Variants in PLAUR observed in about 807,000 individuals in gnomAD.
The protein encoded by PLAUR is urokinase plasminogen activator surface receptor.
PLAUR carries 22 observed loss-of-function variants against 33.4 expected under a neutral mutation model. The ratio of observed to expected loss-of-function variants is 0.66; its 90% CI spans 0.47 to 0.94. The LOEUF (loss-of-function observed/expected upper bound fraction) is 0.94. PLAUR is among the 40% of genes least tolerant of loss of function. The pLI is 0.00. For missense variants in PLAUR, 408 were observed against 434.7 expected (o/e 0.94, Z 0.55); for synonymous variants, 148 against 167.3 (o/e 0.88, Z 0.89).
At position 43,649,021 on chromosome 19, in the gene PLAUR, A is replaced by T. The variant is rs767183874; in HGVS notation, c.877T>A (p.Cys293Ser). 6.2e-7 allele frequency: 1 copy of T among 1,614,220 alleles called. No homozygotes were observed. The highest frequency in any genetic ancestry group is 2.2e-5 in the East Asian group (1 of 44,890). Residue 293 changes from cysteine (C) to serine (S), a missense_variant, in exon 7 of 7, where the codon TGT becomes AGT. By Grantham distance (112) the Cys-to-Ser change is moderately radical (BLOSUM62 -1). Coordinates refer to ENST00000340093, the MANE Select transcript of PLAUR (RefSeq NM_002659.4). The stretch of plus-strand genomic sequence containing the variant: ...TGGACATCCAGGTCTGGGTGGTTAC[A>T]GCCACTTTTAGTACAGCAGGAGACA... ...IDVSCCTKSG[C>S]NHPDLDVQYR...
At chr19:43,653,482 T>C (rs1974079460) in intron 5 of PLAUR, among the ~76,000 whole-genome samples, 1 of 152,174 alleles carries the variant, frequency 6.6e-6, no homozygotes, top group Admixed American at 6.5e-5. Flanking sequence ...TGAGACCAGA[T>C]GGGCTTTGGT....
At chr19:43,670,010 C>A in intron 1 of PLAUR, 56 bp downstream of exon 1, 1 of 1,552,790 alleles carries the variant, frequency 6.4e-7, no homozygotes, top group Admixed American at 1.7e-5. Context: ...TGACAACCCC[C>A]AACCCCCTCA....
At chr19:43,652,437 GAC>G in intron 5 of PLAUR, 66 bp from the exon 6 acceptor site, 1 of 1,490,906 alleles carries the variant, frequency 6.7e-7, no homozygotes, top group Non-Finnish European at 9.3e-7. Flanking sequence ...TTCCTTGAAT[GAC>G]CTCCCCAGGA....
At chr19:43,657,616 C>T (rs1029200084) in intron 3 of PLAUR, among the ~76,000 whole-genome samples, 2 of 152,158 alleles carry the variant, frequency 1.3e-5, no homozygotes, top group African/African-American at 4.8e-5. Flanking sequence ...CACCAGGCTC[C>T]CACACACCCC....
At chr19:43,656,419 A>C (rs1974211197) in intron 4 of PLAUR, 60 bp downstream of exon 4, 10 of 1,436,084 alleles carry the variant, frequency 7.0e-6, no homozygotes, top group Non-Finnish European at 6.5e-6. Flanking sequence ...TTGTTTGTTA[A>C]GTGCAGTCTT....
intron 1 of PLAUR, among the ~76,000 whole-genome samples, chr19:43,669,145 G>A (rs764038707): frequency 6.6e-6 from 1 of 152,164 alleles, no homozygotes; most frequent in Admixed American, 6.5e-5. Context: ...GTTCCTTCTC[G>A]AATTCCTCGA....
At chr19:43,662,206 T>C (rs1568561307) in intron 3 of PLAUR, among the ~76,000 whole-genome samples, 1 of 151,970 alleles carries the variant, frequency 6.6e-6, no homozygotes, top group Non-Finnish European at 1.5e-5. Flanking sequence ...TTGTTAAAAA[T>C]ATAAATGGGG....
chr19:43,646,619 C>T (rs1973828688), downstream of PLAUR: 5 of 701,454 alleles, frequency 7.1e-6, no homozygotes, highest in South Asian at 4.5e-5. Flanking sequence ...GCAAAACTTC[C>T]ACCACATTCT....
intron 1 of PLAUR, chr19:43,668,447 GA>G (rs1159626621): frequency 1.7e-5 from 4 of 231,234 alleles, no homozygotes; most frequent in Non-Finnish European, 2.6e-5. Flanking sequence ...GCTCCTCCTC[GA>G]GGCTTTAGTC....
Position 43,665,430 on chromosome 19 carries a change from T to A in PLAUR, c.196A>T (p.Ser66Cys), listed in dbSNP as rs779740725. The A allele has an allele frequency of 6.2e-7, 1 of 1,613,160 alleles. No individual in the cohort carries two copies. The highest frequency in any genetic ancestry group is 8.5e-7 in the Non-Finnish European group (1 of 1,179,824). Residue 66 changes from serine (S) to cysteine (C), a missense_variant, in exon 3 of 7, where the codon AGC (serine) becomes TGC (cysteine). By Grantham distance (112) the Ser-to-Cys change is moderately radical. Transcript: ENST00000340093. Reference sequence around the variant, plus strand: ...TTGGTCTTCTCTGAGTGGGTACAGCTTTTCTCCACCAGCTCCAGCTCTTCT... The same window carrying A: ...TTGGTCTTCTCTGAGTGGGTACAGCATTTCTCCACCAGCTCCAGCTCTTCT... ...EGEELELVEK[S>C]CTHSEKTNRT...
chr19:43,666,779 G>T (rs1229959500), intron 2 of PLAUR, among the ~76,000 whole-genome samples: 1 of 151,924 alleles, frequency 6.6e-6, no homozygotes, highest in Admixed American at 6.6e-5. Context: ...ATGTTGGCCA[G>T]GCTGGTCCTG....
At chr19:43,659,831 C>A (rs192929998) in intron 3 of PLAUR, among the ~76,000 whole-genome samples, 3 of 152,292 alleles carry the variant, frequency 2.0e-5, no homozygotes, top group Admixed American at 2.0e-4. Flanking sequence ...TGTTTCTGAC[C>A]TCTATCAAGC....
intron 6 of PLAUR, chr19:43,651,976 C>T: frequency 8.2e-7 from 1 of 1,216,688 alleles, no homozygotes; most frequent in South Asian, 2.1e-5. Context: ...CCTCAGCCTC[C>T]CAAAGTGCTG....
chr19:43,659,109 T>C (rs2146243695), intron 3 of PLAUR, among the ~76,000 whole-genome samples: 1 of 152,016 alleles, frequency 6.6e-6, no homozygotes, highest in Middle Eastern at 3.4e-3. Flanking sequence ...GGGTCTCTGG[T>C]GTGAACTCTT....
chr19:43,653,670 A>T lies in PLAUR; in HGVS notation c.608-1299T>A, dbSNP rs749100432. On this transcript the variant is annotated intron_variant, in intron 5 of 6. Coordinates refer to ENST00000340093, the MANE Select transcript of PLAUR (RefSeq NM_002659.4). The stretch of plus-strand genomic sequence containing the variant: ...CGAGACTCCATCTAAAAAAAGAAAG[A>T]AAGGAAGAAAGAAAGAAACTAAATG... 8.7e-5 allele frequency among the ~76,000 whole-genome samples: 13 copies of T among 149,716 alleles called. No individual in the cohort carries two copies. The East Asian group carries it at 2.6e-3, about 30-fold the overall frequency.
intron 1 of PLAUR, among the ~76,000 whole-genome samples, chr19:43,669,094 C>A (rs1415072647): frequency 2.0e-5 from 3 of 150,708 alleles, no homozygotes; most frequent in African/African-American, 7.2e-5. Context: ...CCGGGTTATT[C>A]ATCGCGGCCC....
intron 6 of PLAUR, 139 bp downstream of exon 6, chr19:43,652,086 A>G (rs762089408): frequency 8.1e-6 from 12 of 1,479,578 alleles, no homozygotes; most frequent in Non-Finnish European, 9.9e-6. Context: ...TTACAATAAT[A>G]TTCACCCACC....
At chr19:43,657,679 C>T (rs1974270549) in intron 3 of PLAUR, among the ~76,000 whole-genome samples, 1 of 152,232 alleles carries the variant, frequency 6.6e-6, no homozygotes, top group African/African-American at 2.4e-5. Flanking sequence ...AGGTATGTCT[C>T]CTCTACTGGA....
In PLAUR at chr19:43,648,825, G is replaced by A. The variant is rs1973871841; in HGVS notation, c.*65C>T. 3 of 1,525,210 alleles carry A rather than the reference G, an allele frequency of 2.0e-6. No individual in the cohort carries two copies. The highest frequency in any genetic ancestry group is 3.5e-5 in the Admixed American group (2 of 56,968). The allele number at this position is 1,525,210 out of a possible 1,614,324, so 94.5% of individuals were successfully genotyped here. A position where few individuals can be genotyped will look rare whatever the true frequency, so the allele number is the denominator to read the frequency against. On this transcript the variant is annotated 3_prime_UTR_variant, in exon 7 of 7. Transcript: ENST00000340093. ...GGTCACACAGCAAGTCTGTAGGGCT[G>A]GGAGCCGAGGGAAGGGCAAAGGGGT...
Sources: allele counts gnomAD v4.1 joint callset (sites outside exome capture counted in the v4.1 genomes callset), GRCh38; gene constraint gnomAD v4.1.1; transcripts MANE v1.5; gene names NCBI Gene and HGNC (gene_info 2026-07-23, HGNC 2026-07-21).